EXTL2: variants seen among roughly 807,000 people sequenced by gnomAD.
EXTL2 encodes the protein exostosin like glycosyltransferase 2.
A neutral mutation model predicts 30.7 loss-of-function variants in EXTL2; 23 were observed. That is an observed-to-expected ratio of 0.75 (90% CI 0.54 to 1.06). EXTL2 has a LOEUF of 1.06. Ranked by LOEUF, EXTL2 falls within the 50% of genes least tolerant of loss-of-function variation. The pLI, the probability that EXTL2 is intolerant of heterozygous loss-of-function variation, is 0.00. For missense variants in EXTL2, 352 were observed against 396.3 expected (o/e 0.89, Z 0.95); for synonymous variants, 123 against 133.8 (o/e 0.92, Z 0.56).
rs920761268 is a variant in EXTL2 at position 100,894,706 on chromosome 1, G to T, written c.-145C>A. ...GCTTAGTTATCATAAAACGGAAGGGGCGTCTCGTTTGCTCATTTTTGTTTT... is the reference window on the plus strand; with the variant it reads ...GCTTAGTTATCATAAAACGGAAGGGTCGTCTCGTTTGCTCATTTTTGTTTT... On this transcript the variant is annotated 5_prime_UTR_variant, in exon 1 of 5. Transcript: ENST00000370114. 1.3e-5 allele frequency: 2 copies of T among 152,172 alleles called. No individual in the cohort carries two copies. The highest frequency in any genetic ancestry group is 4.8e-5 in the African/African-American group (2 of 41,414). The allele number at this position is 152,172 out of a possible 1,614,324, so 9.4% of individuals were successfully genotyped here.
At chr1:100,876,222 T>C (rs1022881609) in intron 4 of EXTL2, among the ~76,000 whole-genome samples, 19 of 152,016 alleles carry the variant, frequency 1.2e-4, no homozygotes, top group African/African-American at 4.6e-4. Context: ...ACATATTCAA[T>C]AGGAGAGAGC....
At chr1:100,884,911 A>T (rs1293312327) in intron 2 of EXTL2, among the ~76,000 whole-genome samples, 1 of 151,888 alleles carries the variant, frequency 6.6e-6, no homozygotes, top group African/African-American at 2.4e-5. Context: ...CCATTTTTTG[A>T]CTCAGTGCTC....
chr1:100,884,573 A>C (rs967906679), intron 2 of EXTL2, among the ~76,000 whole-genome samples: 1 of 152,222 alleles, frequency 6.6e-6, no homozygotes, highest in East Asian at 1.9e-4. Context: ...AATTCCAAAA[A>C]GACATTTCCC....
Position 100,887,239 on chromosome 1 carries a change from A to G in EXTL2, c.5+1514T>C, listed in dbSNP as rs188974870. ...TTTTCAGCCATTAACTCACTTTCCA[A>G]AATCACTTCTGTAAGAGAAATGGAT... On this transcript the variant is annotated intron_variant, in intron 2 of 4. Coordinates refer to ENST00000370114, the MANE Select transcript of EXTL2 (RefSeq NM_001033025.3). Among the ~76,000 whole-genome samples the G allele has an allele frequency of 1.8e-4, 28 of 152,366 alleles. No individual in the cohort carries two copies. The East Asian group carries it at 5.0e-3, about 27-fold the overall frequency.
intron 1 of EXTL2, among the ~76,000 whole-genome samples, chr1:100,889,470 C>A (rs1309371336): frequency 1.3e-5 from 2 of 152,176 alleles, no homozygotes; most frequent in African/African-American, 4.8e-5. Context: ...CACAATCATG[C>A]CTTCCCAACA....
chr1:100,877,585 A>G lies in EXTL2; in HGVS notation c.324T>C (p.Asp108=). The part of the protein sequence containing the change: ...VWNNIGEKAP[D]ELWNSLGPHP... ...GGGGCCCTAGAGAATTCCATAATTC[A>G]TCTGGTGCCTTCTCTCCAATATTGT... Residue 108 remains aspartate (D), a synonymous_variant, in exon 3 of 5, where the codon GAT becomes GAC. Transcript: ENST00000370114. The surrounding 1 kb of genome is among the most constrained non-coding windows in gnomAD (Gnocchi z 4.1). 2.5e-6 allele frequency: 4 copies of G among 1,613,534 alleles called. No homozygotes were observed. Among genetic ancestry groups the G allele is most frequent in the Non-Finnish European group, 3.4e-6 (4 of 1,179,640 alleles).
Position 100,888,993 on chromosome 1 carries a change from T to C in EXTL2, c.-71-165A>G, listed in dbSNP as rs996604049. On this transcript the variant is annotated intron_variant, in intron 1 of 4. Coordinates refer to ENST00000370114, the MANE Select transcript of EXTL2 (RefSeq NM_001033025.3). Reference sequence around the variant, plus strand: ...TCTTCTAAAAATTATATTTAGGCAATGAGGTAGATGATTAATGACTTCCAG... The same window carrying C: ...TCTTCTAAAAATTATATTTAGGCAACGAGGTAGATGATTAATGACTTCCAG... 1.3e-5 allele frequency: 5 copies of C among 395,424 alleles called. No homozygotes were observed. In the South Asian group the frequency reaches 2.9e-4, roughly 23 times the overall value. 24.5% of individuals were successfully genotyped at this position (395,424 alleles called of 1,614,324 possible). A position where few individuals can be genotyped will look rare whatever the true frequency, so the allele number is the denominator to read the frequency against.
At chr1:100,894,486 G>A (rs757663812) in intron 1 of EXTL2, 147 bp downstream of exon 1, 28 of 152,148 alleles carry the variant, frequency 1.8e-4, no homozygotes, top group Non-Finnish European at 3.5e-4. Context: ...TTTCAAAATT[G>A]TAGAATAAGT....
At position 100,877,420 on chromosome 1, in the gene EXTL2, G is replaced by T; in HGVS notation, c.433+56C>A. On this transcript the variant is annotated intron_variant, in intron 3 of 4. Transcript: ENST00000370114. This position sits in a 1 kb window ranked among gnomAD's most constrained non-coding sequence, Gnocchi z 4.1. ...CAGAAGGCCAGAAATTCACATGTCT[G>T]TCCCAGCTCTGGACAGCGGCAGCCT... is the stretch of plus-strand genomic sequence containing the variant. The T allele has an allele frequency of 2.8e-6, 4 of 1,447,932 alleles. No individual in the cohort carries two copies. 89.7% of individuals were successfully genotyped at this position (1,447,932 alleles called of 1,614,324 possible). A position where few individuals can be genotyped will look rare whatever the true frequency, so the allele number is the denominator to read the frequency against.
At chr1:100,881,438 CTA>C (rs1408450171) in intron 2 of EXTL2, among the ~76,000 whole-genome samples, 1 of 152,240 alleles carries the variant, frequency 6.6e-6, no homozygotes, top group Non-Finnish European at 1.5e-5. Flanking sequence ...TCTGGATGAC[CTA>C]TGTCGTACTT....
chr1:100,894,462 T>G (rs1341352367), intron 1 of EXTL2, among the ~76,000 whole-genome samples, 171 bp downstream of exon 1: 2 of 152,166 alleles, frequency 1.3e-5, no homozygotes, highest in Non-Finnish European at 2.9e-5. Context: ...TACACAGCAG[T>G]TTTAATTAAC....
At chr1:100,889,851 C>G (rs1461655117) in intron 1 of EXTL2, among the ~76,000 whole-genome samples, 3 of 152,228 alleles carry the variant, frequency 2.0e-5, no homozygotes, top group Non-Finnish European at 4.4e-5. Flanking sequence ...CAGTCCCCCT[C>G]CTGGCTGCTT....
chr1:100,894,545 A>T (rs1453993020), intron 1 of EXTL2, 88 bp downstream of exon 1: 1 of 152,172 alleles, frequency 6.6e-6, no homozygotes, highest in Non-Finnish European at 1.5e-5. Flanking sequence ...ACACACACAA[A>T]GTTCTCAGAA....
chr1:100,885,927 T>C (rs1649928876), intron 2 of EXTL2: 1 of 152,232 alleles, frequency 6.6e-6, no homozygotes, highest in South Asian at 2.1e-4. Flanking sequence ...AACAAAATAA[T>C]TTAAATTAGT....
chr1:100,885,053 C>T (rs2100950463), intron 2 of EXTL2, among the ~76,000 whole-genome samples: 1 of 152,218 alleles, frequency 6.6e-6, no homozygotes, highest in African/African-American at 2.4e-5. Flanking sequence ...TAGACAGTAC[C>T]AAAGCAACTG....
intron 2 of EXTL2, among the ~76,000 whole-genome samples, chr1:100,884,340 T>G (rs1649794665): frequency 6.6e-6 from 1 of 152,126 alleles, no homozygotes; most frequent in Admixed American, 6.5e-5. Flanking sequence ...CTGATGAATA[T>G]AGAATGTAGA....
intron 2 of EXTL2, among the ~76,000 whole-genome samples, chr1:100,887,865 A>T (rs373766602): frequency 4.6e-4 from 70 of 151,950 alleles, no homozygotes; most frequent in East Asian, 3.5e-3. Context: ...CACCCGGCAA[A>T]TTTTTTTGTA....
rs143748990 is a variant in EXTL2, at chr1:100,877,553, A to G, written c.356T>C (p.Ile119Thr). 1.2e-5 allele frequency: 19 copies of G among 1,613,072 alleles called. No homozygotes were observed. Among genetic ancestry groups the G allele is most frequent in the Non-Finnish European group, 1.4e-5 (17 of 1,179,510 alleles). ...ELWNSLGPHP[I>T]PVIFKQQTAN... ...TGTCTGTTGTTTGAAGATCACAGGGATAGGGTGGGGCCCTAGAGAATTCCA... is the reference window on the plus strand; with the variant it reads ...TGTCTGTTGTTTGAAGATCACAGGGGTAGGGTGGGGCCCTAGAGAATTCCA... Residue 119 changes from isoleucine (I) to threonine (T), a missense_variant, in exon 3 of 5, where the codon ATC (isoleucine) becomes ACC (threonine). Ile to Thr is a moderately conservative substitution (Grantham distance 89, BLOSUM62 -1). Coordinates refer to ENST00000370114, the MANE Select transcript of EXTL2 (RefSeq NM_001033025.3). The surrounding 1 kb of genome is among the most constrained non-coding windows in gnomAD (Gnocchi z 4.1).
In EXTL2 at chr1:100,888,770, T is replaced by C. The variant is rs373028355; in HGVS notation, c.-13A>G. On this transcript the variant is annotated 5_prime_UTR_variant, in exon 2 of 5. Coordinates refer to ENST00000370114, the MANE Select transcript of EXTL2 (RefSeq NM_001033025.3). The stretch of plus-strand genomic sequence containing the variant: ...GTACTTACCTCATTGTGTTGAAGTT[T>C]AATTTTTAAAAAATCTCCTTATAGC... The C allele has an allele frequency of 4.9e-5, 77 of 1,564,514 alleles. No individual in the cohort carries two copies. The highest frequency in any genetic ancestry group is 6.2e-5 in the Non-Finnish European group (71 of 1,144,252).
Sources: gnomAD v4.1 joint callset for allele counts (sites outside exome capture counted in the v4.1 genomes callset) on GRCh38, gnomAD v4.1.1 for gene constraint, Gnocchi (gnomAD v3.1) non-coding constraint, MANE v1.5 for transcripts, NCBI Gene and HGNC (gene_info 2026-07-23, HGNC 2026-07-21) for gene names.